MIDEAS: variants seen among roughly 807,000 people sequenced by gnomAD.
MIDEAS encodes the protein mitotic deacetylase-associated SANT domain protein.
Under a neutral mutation model 102.7 loss-of-function variants are expected in MIDEAS, and 26 were observed. That is an observed-to-expected ratio of 0.25 (90% confidence interval 0.19 to 0.35). The LOEUF is 0.35. Among genes scored for constraint, MIDEAS ranks in the 10% least tolerant of loss-of-function variants. MIDEAS has a pLI of 1.00. For missense variants in MIDEAS, 1,231 were observed against 1,435.6 expected, an observed-to-expected ratio of 0.86 and a Z score of 2.30; for synonymous variants, 585 against 591.0, an observed-to-expected ratio of 0.99 and a Z score of 0.15.
rs1001663685 is a variant in MIDEAS, at chr14:73,760,282, A to T, written c.-767T>A. The stretch of plus-strand genomic sequence containing the variant: ...CGCGGCACCGCGGCGAGCAGGAACC[A>T]GCTCTACCACTTCATCAGCACAACT... On this transcript the variant is annotated 5_prime_UTR_variant, in exon 1 of 13. Transcript: ENST00000423556. The surrounding 1 kb of genome is among the most constrained non-coding windows in gnomAD (Gnocchi z 4.8). 11 of 152,478 alleles carry T rather than the reference A, an allele frequency of 7.2e-5. No individual in the cohort carries two copies. Among genetic ancestry groups the T allele is most frequent in the African/African-American group, 2.6e-4 (11 of 41,584 alleles). The allele number at this position is 152,478 out of a possible 1,614,324, so 9.4% of individuals were successfully genotyped here. A position where few individuals can be genotyped will look rare whatever the true frequency, so the allele number is the denominator to read the frequency against.
chr14:73,727,082 C>T, intron 5 of MIDEAS, 110 bp from the exon 6 acceptor site: 1 of 1,375,390 alleles, frequency 7.3e-7, no homozygotes, highest in Non-Finnish European at 9.8e-7. Context: ...AGCAAGGCCT[C>T]AGCTAGGTGT....
upstream of MIDEAS, among the ~76,000 whole-genome samples, chr14:73,760,820 G>A (rs2053548078): frequency 1.3e-5 from 2 of 152,166 alleles, no homozygotes; most frequent in South Asian, 4.1e-4. The surrounding 1 kb of genome is among the most constrained non-coding windows in gnomAD (Gnocchi z 4.8). Context: ...AAATCTCCTG[G>A]ATTTAAATCT....
intron 1 of MIDEAS, among the ~76,000 whole-genome samples, chr14:73,778,675 G>C (rs2140176051): frequency 6.6e-6 from 1 of 152,142 alleles, no homozygotes; most frequent in Non-Finnish European, 1.5e-5. Context: ...GGGAGGCTGA[G>C]GAGGGGACAT....
intron 1 of MIDEAS, among the ~76,000 whole-genome samples, chr14:73,751,707 C>G (rs1341103424): frequency 6.6e-6 from 1 of 152,104 alleles, no homozygotes; most frequent in African/African-American, 2.4e-5. Context: ...ATGAGACCAG[C>G]CTGACCAACA....
In MIDEAS at chr14:73,739,071, G is replaced by T. The variant is rs765568789; in HGVS notation, c.938C>A (p.Pro313His). 5 of 1,575,808 alleles carry T rather than the reference G, an allele frequency of 3.2e-6. No individual in the cohort carries two copies. The highest frequency in any genetic ancestry group is 2.4e-5 in the South Asian group (2 of 84,554). ...HHSMAPYPFP[P>H]NPDMNPELRK... is the part of the protein sequence containing the mutation. ...CAGTTCTGGGTTCATATCTGGGTTG[G>T]GGGGGAAGGGGTAGGGTGCCATGCT... The change falls in exon 2 of 13, where the codon CCC becomes CAC. Residue 313 changes from proline (P) to histidine (H), a missense_variant. Pro to His is a moderately conservative substitution (Grantham distance 77, BLOSUM62 -2). Transcript: ENST00000423556.
In MIDEAS at chr14:73,738,645, C is replaced by A; in HGVS notation, c.1364G>T (p.Arg455Leu). The A allele has an allele frequency of 6.2e-7, 1 of 1,613,658 alleles. No individual in the cohort carries two copies. The highest frequency in any genetic ancestry group is 1.3e-5 in the African/African-American group (1 of 75,066). Residue 455 changes from arginine (R) to leucine (L), a missense_variant, in exon 2 of 13, where the codon CGA (arginine) becomes CTA (leucine). Transcript: ENST00000423556. ...VLRGGVIQST[R>L]RRRRASQEAN... ...CTCCTGGGATGCCCGGCGCCTCCGT[C>A]GCGTGCTCTGGATCACTCCGCCCCG...
intron 1 of MIDEAS, among the ~76,000 whole-genome samples, chr14:73,749,889 C>A (rs1189782766): frequency 6.6e-6 from 1 of 152,172 alleles, no homozygotes; most frequent in Non-Finnish European, 1.5e-5. Context: ...CTCAGACTTG[C>A]AAAGGCCTGG....
chr14:73,758,986 C>T (rs528166230), intron 1 of MIDEAS, among the ~76,000 whole-genome samples: 4 of 152,336 alleles, frequency 2.6e-5, no homozygotes, highest in African/African-American at 7.2e-5. Flanking sequence ...CGGCCGAATC[C>T]CGGGTTTCGG....
intron 1 of MIDEAS, among the ~76,000 whole-genome samples, chr14:73,781,698 C>A (rs2140179820): frequency 7.0e-6 from 1 of 142,000 alleles, no homozygotes; most frequent in South Asian, 2.3e-4. Flanking sequence ...CGTGCCATTG[C>A]ACTCCAGCCT....
chr14:73,722,626 C>G, intron 10 of MIDEAS, 72 bp downstream of exon 10: 1 of 1,563,570 alleles, frequency 6.4e-7, no homozygotes. Flanking sequence ...AGCTCGGGCT[C>G]GGGCTCCCAG....
rs887508 is a variant in MIDEAS at position 73,726,724 on chromosome 14, A to G, written c.2306-17T>C. 0.78 allele frequency: 1,255,877 copies of G among 1,613,864 alleles called. 491,543 individuals are homozygous for G. Among genetic ancestry groups the G allele is most frequent in the African/African-American group, 0.95 (71,014 of 75,054 alleles). ...GGTCTTCCACTGGATCCACAGGAGC[A>G]TGAGGAGGGAGGGGAGGAAACCACG... is the stretch of plus-strand genomic sequence containing the variant. On this transcript the variant is annotated splice_polypyrimidine_tract_variant and intron_variant, in intron 6 of 12. Coordinates refer to ENST00000423556, the MANE Select transcript of MIDEAS (RefSeq NM_001367710.1).
chr14:73,736,893 T>C (rs1296781875), intron 3 of MIDEAS, 105 bp downstream of exon 3: 1 of 1,185,502 alleles, frequency 8.4e-7, no homozygotes, highest in South Asian at 1.5e-5. Context: ...TCTCCACAGG[T>C]TCCCTGATAC....
chr14:73,744,731 A>G (rs544716451), intron 1 of MIDEAS, among the ~76,000 whole-genome samples: 6 of 152,160 alleles, frequency 3.9e-5, no homozygotes, highest in East Asian at 1.9e-4. Context: ...AGGGCCTCCA[A>G]CGTGTTCTTC....
At chr14:73,763,886 C>CA (rs143049176), upstream of MIDEAS, among the ~76,000 whole-genome samples, 11,728 of 152,200 alleles carry the variant, frequency 0.077, 1,168 homozygotes, top group African/African-American at 0.23. Flanking sequence ...ATTGCATGAA[C>CA]AACGAAAGGA....
At chr14:73,752,357 A>G (rs758448275) in intron 1 of MIDEAS, among the ~76,000 whole-genome samples, 12 of 152,060 alleles carry the variant, frequency 7.9e-5, no homozygotes, top group South Asian at 2.1e-4. Flanking sequence ...CAGGTCCTTG[A>G]CATTCGTCTG....
At chr14:73,779,127 C>T (rs2053721610) in intron 1 of MIDEAS, among the ~76,000 whole-genome samples, 1 of 151,858 alleles carries the variant, frequency 6.6e-6, no homozygotes, top group African/African-American at 2.4e-5. Flanking sequence ...TGGCGCATGC[C>T]TGTAATCCCA....
chr14:73,744,732 C>T (rs550971007), intron 1 of MIDEAS, among the ~76,000 whole-genome samples: 63 of 152,276 alleles, frequency 4.1e-4, no homozygotes, highest in Non-Finnish European at 7.9e-4. Context: ...GGGCCTCCAA[C>T]GTGTTCTTCT....
chr14:73,780,937 T>G, intron 1 of MIDEAS, among the ~76,000 whole-genome samples: 1 of 68,202 alleles, frequency 1.5e-5, no homozygotes, highest in South Asian at 6.9e-4. Context: ...GTTTTTTTTG[T>G]TTTTTTGTTG....
chr14:73,769,651 G>A (rs1188717019), intron 1 of MIDEAS, among the ~76,000 whole-genome samples: 4 of 152,100 alleles, frequency 2.6e-5, no homozygotes, highest in Non-Finnish European at 5.9e-5. Context: ...GCCCAGGCTG[G>A]AGTGCAGTGG....
Sources: allele counts gnomAD v4.1 joint callset (sites outside exome capture counted in the v4.1 genomes callset), GRCh38; gene constraint gnomAD v4.1.1; non-coding constraint Gnocchi (gnomAD v3.1); transcripts MANE v1.5; gene names NCBI Gene and HGNC (gene_info 2026-07-23, HGNC 2026-07-21).